FAT3: variants seen among roughly 807,000 people sequenced by gnomAD.
FAT3 encodes protocadherin Fat 3.
Under a neutral mutation model 310.2 loss-of-function variants are expected in FAT3, and 95 were observed. That is an observed-to-expected ratio of 0.31 (90% CI 0.26 to 0.36). FAT3 has a LOEUF of 0.36. FAT3 is among the 10% of genes least tolerant of loss of function. The probability of loss-of-function intolerance (pLI) is 1.00; values close to 1 mark genes in which losing one functional copy is unlikely to be tolerated. For synonymous variants in FAT3, 2,314 were observed against 2,192.9 expected (o/e 1.06, Z -1.54); for missense variants, 5,408 against 5,715.6 (o/e 0.95, Z 1.74).
intron 3 of FAT3, among the ~76,000 whole-genome samples, chr11:92,619,552 A>T (rs1171102967): frequency 6.6e-6 from 1 of 152,068 alleles, no homozygotes; most frequent in African/African-American, 2.4e-5. Context: ...TGTACTTCCA[A>T]TATGCCTATT....
At chr11:92,403,261 TTTTC>T (rs1362510647) in intron 2 of FAT3, 9 of 152,118 alleles carry the variant, frequency 5.9e-5, no homozygotes, top group Non-Finnish European at 1.3e-4. Context: ...GTATTTGAGG[TTTTC>T]TTTCTTCTTT....
At chr11:92,249,944 A>G (rs1221151505) in intron 1 of FAT3, among the ~76,000 whole-genome samples, 1 of 152,166 alleles carries the variant, frequency 6.6e-6, no homozygotes, top group African/African-American at 2.4e-5. Context: ...GGTGCAAGAT[A>G]GAACAGACTT....
chr11:92,774,571 A>C (rs1287348386), intron 7 of FAT3, among the ~76,000 whole-genome samples: 1 of 152,246 alleles, frequency 6.6e-6, no homozygotes, highest in African/African-American at 2.4e-5. Flanking sequence ...TTATAGCTAA[A>C]GAATACCTAA....
At chr11:92,226,669 C>T (rs1385292381) in intron 1 of FAT3, among the ~76,000 whole-genome samples, 1 of 151,908 alleles carries the variant, frequency 6.6e-6, no homozygotes, top group Non-Finnish European at 1.5e-5. Flanking sequence ...CTAGGAGGGG[C>T]TCCCGGGAGG....
chr11:92,551,424 G>GTGTGTGTGTGTGTA (rs1954816873), intron 3 of FAT3, among the ~76,000 whole-genome samples: 1 of 149,480 alleles, frequency 6.7e-6, no homozygotes, highest in Admixed American at 6.7e-5. Context: ...TTGTGTGTGT[G>GTGTGTGTGTGTGTA]TGTGTGTGTG....
At chr11:92,467,050 T>C (rs561001604) in intron 2 of FAT3, among the ~76,000 whole-genome samples, 122 of 152,218 alleles carry the variant, frequency 8.0e-4, no homozygotes, top group Non-Finnish European at 1.4e-3. Flanking sequence ...CACGTGTGCA[T>C]GTGTCTTTAT....
At chr11:92,682,243 T>G (rs1027201647) in intron 3 of FAT3, among the ~76,000 whole-genome samples, 3 of 152,206 alleles carry the variant, frequency 2.0e-5, no homozygotes, top group Non-Finnish European at 2.9e-5. Flanking sequence ...GTTATGAGGA[T>G]TCAGTGAAAT....
At chr11:92,857,110 C>A in intron 19 of FAT3, 104 bp from the exon 20 acceptor site, 2 of 1,544,556 alleles carry the variant, frequency 1.3e-6, no homozygotes, top group Non-Finnish European at 1.8e-6. Flanking sequence ...CATATCCCAG[C>A]TCTTGAGCCA....
At chr11:92,638,453 A>G (rs1375553792) in intron 3 of FAT3, among the ~76,000 whole-genome samples, 1 of 152,078 alleles carries the variant, frequency 6.6e-6, no homozygotes, top group Non-Finnish European at 1.5e-5. Context: ...CTTATTCTTT[A>G]TTTACCTGTA....
At chr11:92,695,312 G>C (rs1295413458) in intron 3 of FAT3, among the ~76,000 whole-genome samples, 1 of 152,134 alleles carries the variant, frequency 6.6e-6, no homozygotes, top group African/African-American at 2.4e-5. Context: ...GAGGGATGGA[G>C]CAGGGAGACA....
At chr11:92,679,806 C>T (rs542259296) in intron 3 of FAT3, among the ~76,000 whole-genome samples, 1,535 of 135,234 alleles carry the variant, frequency 0.011, 29 homozygotes, top group African/African-American at 0.04. Context: ...TGTGCCACTA[C>T]ACTCCAGCCT....
intron 2 of FAT3, among the ~76,000 whole-genome samples, chr11:92,390,827 G>A (rs966099918): frequency 3.3e-5 from 5 of 152,156 alleles, no homozygotes; most frequent in Admixed American, 3.3e-4. Flanking sequence ...TCTGGGAGCA[G>A]GGTGAGCAAA....
intron 7 of FAT3, among the ~76,000 whole-genome samples, chr11:92,782,204 T>C (rs1023946445): frequency 2.0e-5 from 3 of 152,116 alleles, no homozygotes; most frequent in East Asian, 1.9e-4. Flanking sequence ...CGTGCATCTA[T>C]AGTTTCAGCT....
intron 6 of FAT3, among the ~76,000 whole-genome samples, chr11:92,768,558 A>G (rs1410951695): frequency 6.6e-6 from 1 of 151,962 alleles, no homozygotes; most frequent in African/African-American, 2.4e-5. Context: ...TCATATTCAG[A>G]TGTTTTAGTC....
chr11:92,441,635 T>C (rs1007887077), intron 2 of FAT3, among the ~76,000 whole-genome samples: 1 of 150,136 alleles, frequency 6.7e-6, no homozygotes, highest in Non-Finnish European at 1.5e-5. Context: ...CCCACTGATT[T>C]AAAACTAAAA....
chr11:92,614,247 T>C (rs1053815388), intron 3 of FAT3, among the ~76,000 whole-genome samples: 1 of 152,188 alleles, frequency 6.6e-6, no homozygotes, highest in African/African-American at 2.4e-5. Flanking sequence ...ATATTTTCAT[T>C]TGTCTTAGGA....
chr11:92,462,073 G>C (rs1365693005), intron 2 of FAT3, among the ~76,000 whole-genome samples: 3 of 152,104 alleles, frequency 2.0e-5, no homozygotes, highest in Non-Finnish European at 4.4e-5. Context: ...ATTTTCTTCA[G>C]TTACTTCTCT....
chr11:92,598,230 A>ATAT (rs756896313), intron 3 of FAT3, among the ~76,000 whole-genome samples: 1,460 of 134,392 alleles, frequency 0.011, 16 homozygotes, highest in African/African-American at 0.031. Flanking sequence ...ATATATATAT[A>ATAT]TTTTTTTTTT....
intron 24 of FAT3, among the ~76,000 whole-genome samples, chr11:92,885,999 C>T (rs937329981): frequency 2.6e-5 from 4 of 152,146 alleles, no homozygotes; most frequent in Admixed American, 6.5e-5. Context: ...TCTGTGGCCA[C>T]GGAGAGGAAC....
Sources: allele counts gnomAD v4.1 joint callset (sites outside exome capture counted in the v4.1 genomes callset), GRCh38; gene constraint gnomAD v4.1.1; transcripts MANE v1.5; gene names NCBI Gene and HGNC (gene_info 2026-07-23, HGNC 2026-07-21).